ST18: variants seen among roughly 807,000 people sequenced by gnomAD.
ST18 encodes suppression of tumorigenicity 18 protein.
In ST18, 50 loss-of-function variants were observed where a neutral mutation model predicts 110.0. That is an observed-to-expected ratio of 0.45 (90% CI 0.36 to 0.58). ST18 has a LOEUF of 0.58. Ranked by LOEUF, ST18 falls within the 20% of genes least tolerant of loss-of-function variation. The pLI, the probability that ST18 is intolerant of heterozygous loss-of-function variation, is 0.00. For missense variants in ST18, 1,306 were observed against 1,280.1 expected (o/e 1.02, Z -0.31); for synonymous variants, 461 against 452.4 (o/e 1.02, Z -0.24).
intron 8 of ST18, among the ~76,000 whole-genome samples, chr8:52,180,530 T>A (rs563870353): frequency 6.6e-6 from 1 of 152,198 alleles, no homozygotes; most frequent in Non-Finnish European, 1.5e-5. Flanking sequence ...TTTTAAATCA[T>A]CCTTAATCCT....
At chr8:52,303,695 A>G (rs1042956090) in intron 2 of ST18, among the ~76,000 whole-genome samples, 1 of 152,242 alleles carries the variant, frequency 6.6e-6, no homozygotes, top group African/African-American at 2.4e-5. Context: ...AAGAAACTCA[A>G]ATTCATATGG....
chr8:52,342,781 C>G (rs563737705), intron 2 of ST18, among the ~76,000 whole-genome samples: 9 of 152,276 alleles, frequency 5.9e-5, no homozygotes, highest in Admixed American at 2.0e-4. Flanking sequence ...TCATCCACCT[C>G]AATTGACTGT....
intron 15 of ST18, 139 bp downstream of exon 15, chr8:52,158,759 G>T: frequency 2.1e-6 from 2 of 955,924 alleles, no homozygotes; most frequent in Non-Finnish European, 3.2e-6. Context: ...GTTCCTCTGA[G>T]CCTCTTCCTG....
chr8:52,230,627 G>A (rs949830210), intron 2 of ST18, among the ~76,000 whole-genome samples: 5 of 152,002 alleles, frequency 3.3e-5, no homozygotes, highest in African/African-American at 9.7e-5. Context: ...ATTTACATAC[G>A]GGGTGGGGGC....
At chr8:52,173,610 T>A (rs1269707313) in intron 9 of ST18, among the ~76,000 whole-genome samples, 1 of 152,062 alleles carries the variant, frequency 6.6e-6, no homozygotes, top group East Asian at 1.9e-4. Context: ...CACAGGTGAC[T>A]CCAGCCCAGG....
chr8:52,225,300 A>G (rs1200759798), intron 3 of ST18, among the ~76,000 whole-genome samples: 1 of 152,242 alleles, frequency 6.6e-6, no homozygotes, highest in African/African-American at 2.4e-5. Flanking sequence ...AACTGCATTT[A>G]GATGCCATTC....
chr8:52,264,305 T>A (rs1244472742), intron 2 of ST18, among the ~76,000 whole-genome samples: 1 of 152,198 alleles, frequency 6.6e-6, no homozygotes, highest in Non-Finnish European at 1.5e-5. Flanking sequence ...TATCAATGAA[T>A]CTAGTGTGAA....
At chr8:52,234,097 C>T (rs567071838) in intron 2 of ST18, among the ~76,000 whole-genome samples, 1 of 152,174 alleles carries the variant, frequency 6.6e-6, no homozygotes. Context: ...TATTTTTTGG[C>T]TATGTTAACT....
intron 2 of ST18, among the ~76,000 whole-genome samples, chr8:52,353,124 T>A (rs1392461997): frequency 6.6e-6 from 1 of 152,222 alleles, no homozygotes; most frequent in Non-Finnish European, 1.5e-5. Flanking sequence ...AAGATGTGGA[T>A]ATAAATGACA....
At chr8:52,387,332 A>G (rs1837211582) in intron 2 of ST18, among the ~76,000 whole-genome samples, 1 of 152,136 alleles carries the variant, frequency 6.6e-6, no homozygotes, top group African/African-American at 2.4e-5. Context: ...TTTTGATGGA[A>G]TCTTTGTTTT....
intron 2 of ST18, among the ~76,000 whole-genome samples, chr8:52,268,330 C>G (rs914893945): frequency 6.6e-6 from 1 of 152,122 alleles, no homozygotes; most frequent in Non-Finnish European, 1.5e-5. Flanking sequence ...TTTAAAAGCT[C>G]GAGCATACCA....
intron 2 of ST18, among the ~76,000 whole-genome samples, chr8:52,309,245 G>T (rs929133030): frequency 6.6e-6 from 1 of 152,204 alleles, no homozygotes; most frequent in Non-Finnish European, 1.5e-5. Context: ...CATAGGCCAG[G>T]CATGGTAGCT....
chr8:52,240,800 G>T (rs1451983274), intron 2 of ST18, among the ~76,000 whole-genome samples: 4 of 152,112 alleles, frequency 2.6e-5, no homozygotes, highest in Admixed American at 1.3e-4. Context: ...TCACATGATT[G>T]CTCAGTCTTT....
chr8:52,399,626 T>A (rs902021165), intron 2 of ST18, among the ~76,000 whole-genome samples: 1 of 152,036 alleles, frequency 6.6e-6, no homozygotes, highest in Non-Finnish European at 1.5e-5. Flanking sequence ...TTTCGTAGGT[T>A]ATGTTTCCAT....
chr8:52,113,289 T>A lies in ST18; in HGVS notation c.3053A>T (p.Asp1018Val). 6.2e-7 allele frequency: 1 copy of A among 1,614,066 alleles called. No homozygotes were observed. Among genetic ancestry groups the A allele is most frequent in the Non-Finnish European group, 8.5e-7 (1 of 1,179,934 alleles). ...NFEAYVNTLT[D>V]MYSNLERDYS... ...GTCCCGTTCCAGATTGCTGTACATA[T>A]CTGTGAGTGTATTTACATATGCTTC... The change falls in exon 26 of 26, where the codon GAT (aspartate) becomes GTT (valine). Residue 1018 changes from aspartate (D) to valine (V), a missense_variant. Asp to Val is a radical substitution (Grantham distance 152). Transcript: ENST00000689386.
intron 3 of ST18, among the ~76,000 whole-genome samples, chr8:52,227,489 A>T (rs1378674859): frequency 2.0e-5 from 3 of 152,170 alleles, no homozygotes; most frequent in Non-Finnish European, 2.9e-5. Context: ...GAGAACTATG[A>T]CTAGAATAAA....
chr8:52,168,297 A>G (rs2063667850), intron 10 of ST18, among the ~76,000 whole-genome samples: 1 of 149,892 alleles, frequency 6.7e-6, no homozygotes, highest in Non-Finnish European at 1.5e-5. Flanking sequence ...CTGCCCGAGA[A>G]GATGCTGACG....
At chr8:52,314,796 G>T (rs1457598501) in intron 2 of ST18, among the ~76,000 whole-genome samples, 2 of 152,034 alleles carry the variant, frequency 1.3e-5, no homozygotes, top group Non-Finnish European at 1.5e-5. Flanking sequence ...AGACTGCCTG[G>T]TCCTCCCTCC....
At chr8:52,196,181 C>T (rs1563994369) in intron 8 of ST18, among the ~76,000 whole-genome samples, 1 of 152,166 alleles carries the variant, frequency 6.6e-6, no homozygotes, top group African/African-American at 2.4e-5. Flanking sequence ...GCCCTTGTCT[C>T]TCCCCTTCTT....
Sources: gnomAD v4.1 joint callset for allele counts (sites outside exome capture counted in the v4.1 genomes callset) on GRCh38, gnomAD v4.1.1 for gene constraint, MANE v1.5 for transcripts, NCBI Gene and HGNC (gene_info 2026-07-23, HGNC 2026-07-21) for gene names.